Variants in CHRM5 observed in about 807,000 individuals in gnomAD.
CHRM5 encodes cholinergic receptor muscarinic 5.
Under a neutral mutation model 39.0 loss-of-function variants are expected in CHRM5, and 18 were observed. That is an observed-to-expected ratio of 0.46 (90% CI 0.32 to 0.68). The LOEUF (loss-of-function observed/expected upper bound fraction) is 0.68. Ranked by LOEUF, CHRM5 falls within the 30% of genes least tolerant of loss-of-function variation. The pLI is 0.04. For missense variants in CHRM5, 515 were observed against 651.1 expected (o/e 0.79, Z 2.28); for synonymous variants, 241 against 246.3 (o/e 0.98, Z 0.20).
At chr15:34,007,135 AC>A in intron 1 of CHRM5, 1 of 746,848 alleles carries the variant, frequency 1.3e-6, no homozygotes, top group Non-Finnish European at 1.6e-6. Context: ...TAATCAAACT[AC>A]TGCCGAGCTA....
chr15:33,994,118 C>T (rs1248451121), intron 1 of CHRM5, among the ~76,000 whole-genome samples: 2 of 152,194 alleles, frequency 1.3e-5, no homozygotes, highest in African/African-American at 2.4e-5. Context: ...AGGAACCGGG[C>T]TGCATAGCAG....
intron 1 of CHRM5, chr15:34,038,752 C>A: frequency 8.6e-7 from 1 of 1,156,554 alleles, no homozygotes; most frequent in South Asian, 4.1e-5. Flanking sequence ...TACACGCGGT[C>A]CCAGCCCCAC....
intron 1 of CHRM5, among the ~76,000 whole-genome samples, chr15:34,017,255 A>G (rs1046429409): frequency 1.3e-5 from 2 of 152,114 alleles, no homozygotes; most frequent in Non-Finnish European, 2.9e-5. Flanking sequence ...CTGAGCTCTC[A>G]TACAAAATGA....
intron 1 of CHRM5, among the ~76,000 whole-genome samples, chr15:33,979,476 C>A (rs144047390): frequency 2.1e-3 from 320 of 152,284 alleles, no homozygotes; most frequent in African/African-American, 7.1e-3. Flanking sequence ...CAAAGCAAGA[C>A]CCTGTCTCAA....
chr15:34,006,841 T>C (rs1359783677), intron 1 of CHRM5, among the ~76,000 whole-genome samples: 4 of 152,184 alleles, frequency 2.6e-5, no homozygotes, highest in African/African-American at 9.7e-5. Context: ...GAAAGATGTA[T>C]CTTAAAAACT....
At chr15:34,047,116 C>T (rs1278908152) in intron 2 of CHRM5, among the ~76,000 whole-genome samples, 1 of 149,676 alleles carries the variant, frequency 6.7e-6, no homozygotes, top group African/African-American at 2.5e-5. Flanking sequence ...CTCGTTCTGT[C>T]GCCCAGGCTG....
At chr15:34,025,613 T>G (rs1898421311) in intron 1 of CHRM5, among the ~76,000 whole-genome samples, 1 of 152,212 alleles carries the variant, frequency 6.6e-6, no homozygotes, top group Non-Finnish European at 1.5e-5. Flanking sequence ...ATTTTGATAA[T>G]TGTGCAATGG....
chr15:33,987,103 T>C (rs519210), intron 1 of CHRM5, among the ~76,000 whole-genome samples: 142,327 of 152,262 alleles, frequency 0.93, 67,123 homozygotes, highest in Non-Finnish European at 1. Context: ...CATAATTCAT[T>C]AGCATTAATT....
At chr15:34,008,037 T>G (rs1054667757) in intron 1 of CHRM5, among the ~76,000 whole-genome samples, 1 of 152,106 alleles carries the variant, frequency 6.6e-6, no homozygotes, top group Non-Finnish European at 1.5e-5. Context: ...CCAAATAAGA[T>G]CACACTCAGA....
Position 34,063,278 on chromosome 15 carries a change from T to C in CHRM5, c.561T>C (p.Phe187=), listed in dbSNP as rs2140847555. 1.2e-6 allele frequency: 2 copies of C among 1,614,144 alleles called. No homozygotes were observed. The highest frequency in any genetic ancestry group is 1.1e-5 in the South Asian group (1 of 91,076). The change falls in exon 3 of 3, where the codon TTT becomes TTC. Residue 187 remains phenylalanine (F), a synonymous_variant. Coordinates refer to ENST00000383263, the MANE Select transcript of CHRM5 (RefSeq NM_012125.4). The surrounding 1 kb of genome is among the most constrained non-coding windows in gnomAD (Gnocchi z 4.1). ...TVPLDECQIQ[F]LSEPTITFGT... The stretch of plus-strand genomic sequence containing the variant: ...CACTGGATGAGTGCCAGATCCAGTT[T>C]CTCTCTGAGCCCACCATCACTTTTG...
At chr15:34,056,719 C>T (rs1027693438) in intron 2 of CHRM5, among the ~76,000 whole-genome samples, 5 of 152,022 alleles carry the variant, frequency 3.3e-5, no homozygotes, top group Non-Finnish European at 5.9e-5. Flanking sequence ...AGAGGTAGAG[C>T]GCCCACCAAA....
chr15:34,038,728 C>G, intron 1 of CHRM5: 7 of 1,132,728 alleles, frequency 6.2e-6, no homozygotes, highest in Non-Finnish European at 7.6e-6. Context: ...GGCCTCGGCC[C>G]CACTTGCCCC....
chr15:34,028,910 T>A (rs1898627629), intron 1 of CHRM5, among the ~76,000 whole-genome samples: 1 of 151,620 alleles, frequency 6.6e-6, no homozygotes, highest in Non-Finnish European at 1.5e-5. Context: ...AAAAAAAAAA[T>A]TGGGAGAGAA....
intron 1 of CHRM5, among the ~76,000 whole-genome samples, chr15:34,043,765 C>T (rs951980087): frequency 6.6e-6 from 1 of 152,150 alleles, no homozygotes; most frequent in African/African-American, 2.4e-5. Context: ...CTCCTTCCAC[C>T]CTCACTCTCA....
chr15:33,999,243 C>T (rs994849), intron 1 of CHRM5, among the ~76,000 whole-genome samples: 31,768 of 152,124 alleles, frequency 0.21, 5,118 homozygotes, highest in African/African-American at 0.45. Context: ...GTCCCCTCAC[C>T]GAAGGTGATT....
intron 1 of CHRM5, among the ~76,000 whole-genome samples, chr15:33,981,359 T>G (rs1418593956): frequency 6.6e-6 from 1 of 152,222 alleles, no homozygotes; most frequent in African/African-American, 2.4e-5. Context: ...TCCGGACTTT[T>G]CAGTTTAAAT....
At chr15:34,051,214 A>G (rs1240576408) in intron 2 of CHRM5, among the ~76,000 whole-genome samples, 1 of 152,212 alleles carries the variant, frequency 6.6e-6, no homozygotes, top group Non-Finnish European at 1.5e-5. Context: ...ACACAACTAC[A>G]TGGAAACTGA....
intron 1 of CHRM5, among the ~76,000 whole-genome samples, chr15:34,009,156 C>CA (rs1050237054): frequency 5.3e-5 from 8 of 151,940 alleles, no homozygotes; most frequent in African/African-American, 1.9e-4. Flanking sequence ...ATCCTACATA[C>CA]AAAAAAGCTA....
At position 34,051,799 on chromosome 15, in the gene CHRM5, A is replaced by C. The variant is rs1899932898; in HGVS notation, c.-76+4928A>C. On this transcript the variant is annotated intron_variant, in intron 2 of 2. Coordinates refer to ENST00000383263, the MANE Select transcript of CHRM5 (RefSeq NM_012125.4). ...CCAAGACTGAACCAAGAAGAAACTG[A>C]ATCCCTTAATAGACCAATAATGAGT... Among the ~76,000 whole-genome samples the C allele has an allele frequency of 4.6e-5, 7 of 152,234 alleles. No individual in the cohort carries two copies. The South Asian group carries it at 1.0e-3, about 23-fold the overall frequency.
Sources: gnomAD v4.1 joint callset for allele counts (sites outside exome capture counted in the v4.1 genomes callset) on GRCh38, gnomAD v4.1.1 for gene constraint, Gnocchi (gnomAD v3.1) non-coding constraint, MANE v1.5 for transcripts, NCBI Gene and HGNC (gene_info 2026-07-23, HGNC 2026-07-21) for gene names.